Variants in C14orf39 observed in about 807,000 individuals in gnomAD.
The protein encoded by C14orf39 is protein SIX6OS1.
In C14orf39, 66 loss-of-function variants were observed where a neutral mutation model predicts 85.6. The observed-to-expected ratio is 0.77, with a 90% CI of 0.63 to 0.95. The LOEUF (loss-of-function observed/expected upper bound fraction) is 0.95, where lower values mean the gene tolerates loss of function less well. Ranked by LOEUF, C14orf39 falls within the 40% of genes least tolerant of loss-of-function variation. C14orf39 has a pLI of 0.00. For synonymous variants in C14orf39, 242 were observed against 214.0 expected, an observed-to-expected ratio of 1.13 and a Z score of -1.14; for missense variants, 735 against 663.9, an observed-to-expected ratio of 1.11 and a Z score of -1.18.
At chr14:60,465,939 G>T in intron 11 of C14orf39, 40 bp downstream of exon 11, 2 of 1,018,062 alleles carry the variant, frequency 2.0e-6, no homozygotes, top group Non-Finnish European at 2.9e-6. Context: ...TTTAATGCAA[G>T]CAGGTATTTA....
intron 6 of C14orf39, 33 bp downstream of exon 6, chr14:60,471,519 A>G (rs778059499): frequency 1.9e-6 from 3 of 1,570,188 alleles, no homozygotes; most frequent in South Asian, 2.4e-5. Context: ...CAAAGATATC[A>G]TAATTAAAAC....
chr14:60,489,315 G>C (rs1270242724), upstream of C14orf39, among the ~76,000 whole-genome samples: 2 of 152,192 alleles, frequency 1.3e-5, no homozygotes, highest in Non-Finnish European at 2.9e-5. Flanking sequence ...TTCTGGATCT[G>C]TCATTTGTTA....
intron 15 of C14orf39, among the ~76,000 whole-genome samples, chr14:60,455,693 G>A (rs1891242545): frequency 6.6e-6 from 1 of 152,104 alleles, no homozygotes. Flanking sequence ...AGCCAGAACG[G>A]CCTGGGCTTA....
rs139438459 is a variant in C14orf39 at position 60,491,816 on chromosome 14, TTC to T, written c.-8-6732_-8-6731del. 2.6e-4 allele frequency among the ~76,000 whole-genome samples: 39 copies of T among 149,698 alleles called. No individual in the cohort carries two copies. The highest frequency in any genetic ancestry group is 3.3e-4 in the Non-Finnish European group (22 of 67,114). ...AAATGTAAATATTCTCTCTCTCTTTTTCTCTCTCTCTCTCTCTCTCACACACA... is the reference window on the plus strand; with the variant it reads ...AAATGTAAATATTCTCTCTCTCTTTTTCTCTCTCTCTCTCTCTCACACACA... On this transcript the variant is annotated intron_variant, in intron 2 of 5. Transcript: ENST00000556799. This position sits in a 1 kb window ranked among gnomAD's most constrained non-coding sequence, Gnocchi z 4.5.
chr14:60,475,472 G>C (rs940832269), intron 5 of C14orf39, among the ~76,000 whole-genome samples: 1 of 152,030 alleles, frequency 6.6e-6, no homozygotes, highest in Non-Finnish European at 1.5e-5. Flanking sequence ...TACAGCCCAT[G>C]AACTATGAAT....
chr14:60,464,982 A>T (rs754845213), intron 11 of C14orf39, among the ~76,000 whole-genome samples: 1 of 152,102 alleles, frequency 6.6e-6, no homozygotes, highest in Non-Finnish European at 1.5e-5. Flanking sequence ...TTTTAAAACT[A>T]ACACATTCCA....
chr14:60,475,574 T>G (rs549067306), intron 5 of C14orf39, among the ~76,000 whole-genome samples: 1 of 152,146 alleles, frequency 6.6e-6, no homozygotes, highest in Admixed American at 6.6e-5. Flanking sequence ...TATCCATAAA[T>G]AAAGTTTTAT....
Position 60,483,831 on chromosome 14 carries a change from A to G in C14orf39, c.107-14T>C. On this transcript the variant is annotated splice_polypyrimidine_tract_variant and intron_variant, in intron 3 of 17. Transcript: ENST00000321731. ...CTTCACAGCATTCTACAAAGAGAAA[A>G]TGTTTATTTTCTTAATGTAGAAATA... 6.8e-7 allele frequency: 1 copy of G among 1,467,804 alleles called. No individual in the cohort carries two copies. Among genetic ancestry groups the G allele is most frequent in the Non-Finnish European group, 9.4e-7 (1 of 1,068,868 alleles). 90.9% of individuals were successfully genotyped at this position (1,467,804 alleles called of 1,614,324 possible). A position where few individuals can be genotyped will look rare whatever the true frequency, so the allele number is the denominator to read the frequency against.
intron 14 of C14orf39, among the ~76,000 whole-genome samples, chr14:60,457,976 T>G (rs1299497580): frequency 6.6e-6 from 1 of 152,012 alleles, no homozygotes; most frequent in Non-Finnish European, 1.5e-5. Flanking sequence ...TATATGTTTT[T>G]TTAATTTTTA....
In C14orf39 at chr14:60,471,443, T is replaced by A. The variant is rs759348364; in HGVS notation, c.528A>T (p.Pro176=). The A allele has an allele frequency of 1.3e-6, 2 of 1,599,902 alleles. No homozygotes were observed. Among genetic ancestry groups the A allele is most frequent in the East Asian group, 4.5e-5 (2 of 44,332 alleles). ...FMKFRVPAPF[P]SLTKWTLNIV... is the part of the protein sequence containing the mutation. ...TGTTTAAAGTCCATTTAGTAAGTGA[T>A]GGAAAGGGAGCAGGCACTGAAAAAT... Residue 176 remains proline (P), a synonymous_variant, in exon 7 of 18, where the codon CCA becomes CCT. Transcript: ENST00000321731.
At chr14:60,507,656 T>C (rs1032733815) in intron 1 of C14orf39, among the ~76,000 whole-genome samples, 4 of 152,232 alleles carry the variant, frequency 2.6e-5, no homozygotes, top group Non-Finnish European at 4.4e-5. Flanking sequence ...AGCTTTGCCC[T>C]GCACTCAGGC....
chr14:60,489,665 G>A (rs1055001956), upstream of C14orf39, among the ~76,000 whole-genome samples: 1 of 152,104 alleles, frequency 6.6e-6, no homozygotes, highest in Non-Finnish European at 1.5e-5. Flanking sequence ...CTCCTCAGAA[G>A]CGTTAAAATA....
chr14:60,504,444 T>C (rs1893180805), intron 1 of C14orf39, among the ~76,000 whole-genome samples: 1 of 152,260 alleles, frequency 6.6e-6, no homozygotes, highest in South Asian at 2.1e-4. Flanking sequence ...CATTGAATTT[T>C]AAGTTTCTAT....
rs547836111 is a variant in C14orf39 at position 60,468,231 on chromosome 14, C to T, written c.767+214G>A. The stretch of plus-strand genomic sequence containing the variant: ...TGCTGCTACTCTATTTCTCTTTACA[C>T]ATTATCCTCAGCCTTACTAAATAAC... On this transcript the variant is annotated intron_variant, in intron 9 of 17. Coordinates refer to ENST00000321731, the MANE Select transcript of C14orf39 (RefSeq NM_174978.3). Among the ~76,000 whole-genome samples the T allele has an allele frequency of 5.3e-5, 8 of 151,826 alleles. No individual in the cohort carries two copies. In the South Asian group the frequency reaches 1.5e-3, roughly 28 times the overall value.
chr14:60,445,328 AT>A (rs1286605293), intron 16 of C14orf39, among the ~76,000 whole-genome samples: 2 of 152,184 alleles, frequency 1.3e-5, no homozygotes, highest in Admixed American at 1.3e-4. Flanking sequence ...CCCATCTTAC[AT>A]GCAGAGACAC....
At position 60,484,871 on chromosome 14, in the gene C14orf39, A is replaced by T; in HGVS notation, c.106+10T>A. Reference sequence around the variant, plus strand: ...AGACTAAAATATCTTGATCATGCAAAGCTACTTACTATTAATTCTTTGAAT... The same window carrying T: ...AGACTAAAATATCTTGATCATGCAATGCTACTTACTATTAATTCTTTGAAT... On this transcript the variant is annotated intron_variant, in intron 3 of 17. Transcript: ENST00000321731. The surrounding 1 kb of genome is among the most constrained non-coding windows in gnomAD (Gnocchi z 4.2). 1.9e-6 allele frequency: 3 copies of T among 1,546,330 alleles called. No individual in the cohort carries two copies. Among genetic ancestry groups the T allele is most frequent in the Non-Finnish European group, 2.6e-6 (3 of 1,133,238 alleles).
intron 12 of C14orf39, 41 bp downstream of exon 12, chr14:60,461,467 T>C: frequency 6.4e-7 from 1 of 1,570,336 alleles, no homozygotes; most frequent in Non-Finnish European, 8.7e-7. Context: ...ATCTATAAAT[T>C]ATTTCAGAGA....
intron 1 of C14orf39, among the ~76,000 whole-genome samples, chr14:60,485,625 T>G (rs1344136190): frequency 6.6e-6 from 1 of 152,192 alleles, no homozygotes; most frequent in Non-Finnish European, 1.5e-5. Context: ...GGCATACGCC[T>G]GAGGCGGGGT....
chr14:60,445,309 T>C (rs1283279139), intron 16 of C14orf39, among the ~76,000 whole-genome samples: 1 of 152,140 alleles, frequency 6.6e-6, no homozygotes, highest in Non-Finnish European at 1.5e-5. Context: ...CTGTGCTGTA[T>C]TCAGGAGACC....
Sources: gnomAD v4.1 joint callset for allele counts (sites outside exome capture counted in the v4.1 genomes callset) on GRCh38, gnomAD v4.1.1 for gene constraint, Gnocchi (gnomAD v3.1) non-coding constraint, MANE v1.5 for transcripts, NCBI Gene and HGNC (gene_info 2026-07-23, HGNC 2026-07-21) for gene names.